CREB3L2: variants seen among roughly 807,000 people sequenced by gnomAD.
CREB3L2 encodes cAMP responsive element binding protein 3 like 2, also known as cyclic AMP-responsive element-binding protein 3-like protein 2.
CREB3L2 carries 23 observed loss-of-function variants against 57.2 expected under a neutral mutation model. That is an observed-to-expected ratio of 0.40 (90% CI 0.29 to 0.57). The LOEUF is 0.57. Among genes scored for constraint, CREB3L2 ranks in the 20% least tolerant of loss-of-function variants. CREB3L2 has a pLI of 0.42. For synonymous variants in CREB3L2, 268 were observed against 265.1 expected (o/e 1.01, Z -0.11); for missense variants, 628 against 634.7 (o/e 0.99, Z 0.11).
intron 1 of CREB3L2, among the ~76,000 whole-genome samples, chr7:137,937,649 ATTTC>A (rs1800813349): frequency 2.0e-5 from 3 of 152,176 alleles, no homozygotes; most frequent in Non-Finnish European, 1.5e-5. Flanking sequence ...CCCATTACAT[ATTTC>A]TTTAATTTTT....
intron 2 of CREB3L2, among the ~76,000 whole-genome samples, chr7:137,923,145 T>C (rs984982895): frequency 1.3e-5 from 2 of 152,216 alleles, no homozygotes; most frequent in African/African-American, 2.4e-5. Context: ...TTTTCTTCAA[T>C]GGAGAAGTTA....
At chr7:137,960,805 A>ATTTATT (rs1338965683) in intron 1 of CREB3L2, among the ~76,000 whole-genome samples, 1 of 81,966 alleles carries the variant, frequency 1.2e-5, no homozygotes, top group Non-Finnish European at 2.4e-5. Context: ...AAACTAAATT[A>ATTTATT]TTTCTTTTTT....
At position 137,885,139 on chromosome 7, in the gene CREB3L2, G is replaced by C. The variant is rs770268546; in HGVS notation, c.1144-18C>G. On this transcript the variant is annotated intron_variant, in intron 9 of 11. Transcript: ENST00000330387. ...ACCACAACCTGTGGGAGAGAAAGAG[G>C]GGAGAGAGAACACGAGGGGCTGTGG... is the stretch of plus-strand genomic sequence containing the variant. 6.2e-7 allele frequency: 1 copy of C among 1,613,462 alleles called. No homozygotes were observed. The highest frequency in any genetic ancestry group is 8.5e-7 in the Non-Finnish European group (1 of 1,179,704).
At chr7:137,896,448 C>T (rs1410737288) in intron 8 of CREB3L2, among the ~76,000 whole-genome samples, 3 of 152,098 alleles carry the variant, frequency 2.0e-5, no homozygotes, top group African/African-American at 7.2e-5. Flanking sequence ...ATTACAGGCA[C>T]ACGCCACCAC....
intron 2 of CREB3L2, among the ~76,000 whole-genome samples, chr7:137,918,240 G>T (rs190296843): frequency 1.6e-4 from 25 of 152,222 alleles, no homozygotes; most frequent in African/African-American, 5.8e-4. Flanking sequence ...ACCCAGGCTG[G>T]AGTGCAGTGG....
chr7:137,909,812 A>G (rs1213959120), intron 4 of CREB3L2, among the ~76,000 whole-genome samples: 1 of 152,180 alleles, frequency 6.6e-6, no homozygotes, highest in Non-Finnish European at 1.5e-5. Context: ...TGTAGCTCCC[A>G]TAATTCCCAC....
intron 8 of CREB3L2, among the ~76,000 whole-genome samples, chr7:137,901,022 T>C (rs1799742540): frequency 6.6e-6 from 1 of 152,214 alleles, no homozygotes; most frequent in Non-Finnish European, 1.5e-5. Context: ...CAGCTTCTTC[T>C]TCAATCCTGT....
At chr7:137,948,070 C>A (rs1453211920) in intron 1 of CREB3L2, among the ~76,000 whole-genome samples, 1 of 152,348 alleles carries the variant, frequency 6.6e-6, no homozygotes, top group East Asian at 1.9e-4. Flanking sequence ...CTCAACAATT[C>A]CTCACCTGGA....
intron 3 of CREB3L2, among the ~76,000 whole-genome samples, chr7:137,913,708 T>C (rs1284814152): frequency 6.6e-5 from 10 of 152,062 alleles, no homozygotes; most frequent in Admixed American, 6.6e-4. Flanking sequence ...TCTTTATACA[T>C]AGTTTGGGTA....
chr7:137,917,765 T>C (rs1264769962), intron 2 of CREB3L2, among the ~76,000 whole-genome samples: 1 of 152,160 alleles, frequency 6.6e-6, no homozygotes, highest in East Asian at 1.9e-4. Context: ...TTATAATTGA[T>C]GAATTATCCC....
intron 1 of CREB3L2, among the ~76,000 whole-genome samples, chr7:137,952,631 C>G (rs998562630): frequency 6.6e-6 from 1 of 152,138 alleles, no homozygotes; most frequent in East Asian, 1.9e-4. Flanking sequence ...GTTTGACAGC[C>G]ACCCTACCTA....
chr7:137,997,020 G>T (rs908023763), intron 1 of CREB3L2, among the ~76,000 whole-genome samples: 1 of 152,106 alleles, frequency 6.6e-6, no homozygotes, highest in African/African-American at 2.4e-5. Flanking sequence ...TGTTTATCAT[G>T]GGCAAACCAC....
chr7:137,957,431 A>C (rs80205265), intron 1 of CREB3L2, among the ~76,000 whole-genome samples: 2,997 of 152,252 alleles, frequency 0.02, 103 homozygotes, highest in African/African-American at 0.069. Flanking sequence ...ATCCATTAAC[A>C]TCACAACCTC....
chr7:137,941,275 T>TA (rs1800876232), intron 1 of CREB3L2, among the ~76,000 whole-genome samples: 1 of 152,204 alleles, frequency 6.6e-6, no homozygotes, highest in South Asian at 2.1e-4. Context: ...AATTCATCGA[T>TA]ACAAGTCTAA....
intron 1 of CREB3L2, among the ~76,000 whole-genome samples, chr7:137,976,299 C>T: frequency 6.6e-6 from 1 of 152,232 alleles, no homozygotes; most frequent in East Asian, 1.9e-4. Context: ...AATGTAGTCT[C>T]TCTCCACTTA....
chr7:137,904,242 A>G (rs1799832329), intron 6 of CREB3L2, among the ~76,000 whole-genome samples: 1 of 152,234 alleles, frequency 6.6e-6, no homozygotes, highest in African/African-American at 2.4e-5. Context: ...TAAAATGGAC[A>G]CTGAGTGGCC....
rs139821805 is a variant in CREB3L2 at position 137,926,495 on chromosome 7, G to A, written c.319+1655C>T. Among the ~76,000 whole-genome samples the A allele has an allele frequency of 3.2e-4, 49 of 152,200 alleles. No individual in the cohort carries two copies. In the East Asian group the frequency reaches 7.7e-3, roughly 24 times the overall value. Reference sequence around the variant, plus strand: ...CTAACACAGGAACAGAACAGGACCCGCATGTTCTCACTCCTAAGTGGGAGT... The same window carrying A: ...CTAACACAGGAACAGAACAGGACCCACATGTTCTCACTCCTAAGTGGGAGT... On this transcript the variant is annotated intron_variant, in intron 2 of 11. Coordinates refer to ENST00000330387, the MANE Select transcript of CREB3L2 (RefSeq NM_194071.4).
At chr7:137,971,072 C>T (rs1032814747) in intron 1 of CREB3L2, among the ~76,000 whole-genome samples, 1 of 152,074 alleles carries the variant, frequency 6.6e-6, no homozygotes, top group Admixed American at 6.5e-5. Flanking sequence ...TTAAGAGATA[C>T]ACACAAACTT....
intron 8 of CREB3L2, among the ~76,000 whole-genome samples, chr7:137,888,726 G>A (rs553645861): frequency 6.6e-6 from 1 of 152,100 alleles, no homozygotes; most frequent in Non-Finnish European, 1.5e-5. Context: ...GCTAAGCTAT[G>A]AAAAGCGGTC....
Sources: allele counts gnomAD v4.1 joint callset (sites outside exome capture counted in the v4.1 genomes callset), GRCh38; gene constraint gnomAD v4.1.1; transcripts MANE v1.5; gene names NCBI Gene and HGNC (gene_info 2026-07-23, HGNC 2026-07-21).